KALRN: variants seen among roughly 807,000 people sequenced by gnomAD.
KALRN encodes kalirin RhoGEF kinase.
A neutral mutation model predicts 353.7 loss-of-function variants in KALRN; 70 were observed. The observed-to-expected ratio is 0.20, with a 90% confidence interval of 0.16 to 0.24. KALRN has a LOEUF of 0.24. KALRN is among the 10% of genes least tolerant of loss of function. The probability of loss-of-function intolerance (pLI) is 1.00; values close to 1 mark genes in which losing one functional copy is unlikely to be tolerated. For missense variants in KALRN, 2,791 were observed against 3,756.7 expected, an observed-to-expected ratio of 0.74 and a Z score of 6.72; for synonymous variants, 1,391 against 1,434.8, an observed-to-expected ratio of 0.97 and a Z score of 0.69.
At position 124,673,734 on chromosome 3, in the gene KALRN, A is replaced by C. The variant is rs368952811; in HGVS notation, c.6943-630A>C. On this transcript the variant is annotated intron_variant, in intron 48 of 59. Coordinates refer to ENST00000682506, the MANE Select transcript of KALRN (RefSeq NM_001388419.1). ...GTCTGTCTAGAGGCAGCTGCCCTGAAATAGACTCACATGAAAAGGTCATGG... is the reference window on the plus strand; with the variant it reads ...GTCTGTCTAGAGGCAGCTGCCCTGACATAGACTCACATGAAAAGGTCATGG... Among the ~76,000 whole-genome samples, 62 of 152,226 alleles carry C rather than the reference A, an allele frequency of 4.1e-4. 2 individuals carry two copies. The East Asian group carries it at 6.2e-3, about 15-fold the overall frequency.
chr3:124,248,351 C>T (rs893112989), intron 3 of KALRN, among the ~76,000 whole-genome samples: 2 of 152,204 alleles, frequency 1.3e-5, no homozygotes, highest in African/African-American at 4.8e-5. Flanking sequence ...GTTCTCTTTC[C>T]TCTGTCCGGG....
At chr3:124,169,196 AT>A (rs1375883895) in intron 1 of KALRN, among the ~76,000 whole-genome samples, 8 of 152,134 alleles carry the variant, frequency 5.3e-5, no homozygotes, top group African/African-American at 1.9e-4. Flanking sequence ...CACATAAATG[AT>A]TTCCTTTCCC....
intron 3 of KALRN, among the ~76,000 whole-genome samples, chr3:124,253,371 TTC>T (rs2071447106): frequency 6.6e-6 from 1 of 152,220 alleles, no homozygotes; most frequent in South Asian, 2.1e-4. Context: ...TGCAGCACAG[TTC>T]TGGGAGAAAG....
At chr3:124,109,382 T>A (rs2062621565) in intron 1 of KALRN, among the ~76,000 whole-genome samples, 1 of 152,152 alleles carries the variant, frequency 6.6e-6, no homozygotes, top group Admixed American at 6.5e-5. Flanking sequence ...TTAAATGTGT[T>A]CACTAACTTC....
At chr3:124,632,382 C>G (rs3816201) in intron 34 of KALRN, 38 bp from the exon 35 acceptor site, 89,652 of 1,602,474 alleles carry the variant, frequency 0.056, 3,333 homozygotes, top group East Asian at 0.21. Flanking sequence ...CCTGCCTTCA[C>G]CACCTCTGAC....
chr3:124,152,319 A>G lies in KALRN; in HGVS notation c.74-75671A>G, dbSNP rs1278376662. Reference sequence around the variant, plus strand: ...TCAGCATATTAATTGAAGTCTTGTTAAGCTTCACAAAGGTTCCATTGAAGA... The same window carrying G: ...TCAGCATATTAATTGAAGTCTTGTTGAGCTTCACAAAGGTTCCATTGAAGA... On this transcript the variant is annotated intron_variant, in intron 1 of 59. Transcript: ENST00000682506. The G allele has an allele frequency of 1.5e-5, 18 of 1,207,210 alleles. No homozygotes were observed. The Middle Eastern group carries it at 5.8e-4, about 39-fold the overall frequency. 74.8% of individuals were successfully genotyped at this position (1,207,210 alleles called of 1,614,324 possible).
rs2079929111 is a variant in KALRN, at chr3:124,626,180, AC to A, written c.5183-6239del. ...TAAATGAAGTTGCAAAGTAATACCT[AC>A]ATTATGATAATTATATAAACTATAA... is the stretch of plus-strand genomic sequence containing the variant. On this transcript the variant is annotated intron_variant, in intron 34 of 59. Coordinates refer to ENST00000682506, the MANE Select transcript of KALRN (RefSeq NM_001388419.1). Among the ~76,000 whole-genome samples, 3 of 152,352 alleles carry A rather than the reference AC, an allele frequency of 2.0e-5. No individual in the cohort carries two copies. In the South Asian group the frequency reaches 6.2e-4, roughly 32 times the overall value.
chr3:124,139,493 C>G (rs567935561), intron 1 of KALRN, among the ~76,000 whole-genome samples: 1 of 152,210 alleles, frequency 6.6e-6, no homozygotes, highest in Non-Finnish European at 1.5e-5. Context: ...AGTATAGACT[C>G]TTCTAAACCA....
chr3:124,157,347 A>G (rs1190866476), intron 1 of KALRN, among the ~76,000 whole-genome samples: 2 of 152,090 alleles, frequency 1.3e-5, no homozygotes, highest in Non-Finnish European at 2.9e-5. Flanking sequence ...CTCACTTCCA[A>G]TTTCACTTCC....
intron 33 of KALRN, among the ~76,000 whole-genome samples, chr3:124,540,509 C>A (rs186100477): frequency 2.0e-5 from 3 of 152,268 alleles, no homozygotes; most frequent in Middle Eastern, 3.4e-3. Context: ...GGGTGGGTAG[C>A]CATGCACAGG....
At chr3:124,287,985 T>C (rs909343791) in intron 5 of KALRN, among the ~76,000 whole-genome samples, 2 of 151,690 alleles carry the variant, frequency 1.3e-5, no homozygotes. Context: ...GTGATTCTCC[T>C]GCCTTAGCCT....
At chr3:124,634,015 T>C in intron 36 of KALRN, 62 bp downstream of exon 36, 1 of 1,278,280 alleles carries the variant, frequency 7.8e-7, no homozygotes, top group Non-Finnish European at 1.1e-6. Flanking sequence ...TTGTTTTTTG[T>C]GTGTGATGGG....
intron 1 of KALRN, among the ~76,000 whole-genome samples, chr3:124,124,607 GGAA>G (rs2064413565): frequency 6.6e-6 from 1 of 152,168 alleles, no homozygotes; most frequent in Admixed American, 6.5e-5. Context: ...TTTAATGAAA[GGAA>G]GAGTCAATCA....
At chr3:124,047,199 G>A (rs1003923990) in intron 1 of KALRN, among the ~76,000 whole-genome samples, 3 of 152,000 alleles carry the variant, frequency 2.0e-5, no homozygotes, top group Non-Finnish European at 4.4e-5. Flanking sequence ...ACATGCAAAT[G>A]GATCAACTAA....
At chr3:124,155,723 A>G (rs2068884725) in intron 1 of KALRN, among the ~76,000 whole-genome samples, 1 of 152,246 alleles carries the variant, frequency 6.6e-6, no homozygotes, top group African/African-American at 2.4e-5. Flanking sequence ...ACAAGATTCA[A>G]CTGAAAATGA....
intron 13 of KALRN, among the ~76,000 whole-genome samples, chr3:124,403,265 T>A (rs658721): frequency 0.89 from 136,065 of 152,214 alleles, 61,907 homozygotes; most frequent in Non-Finnish European, 0.99. Context: ...CTTGATAAAA[T>A]ATATGTGCAC....
intron 57 of KALRN, among the ~76,000 whole-genome samples, chr3:124,708,729 C>T (rs1236195873): frequency 6.6e-6 from 1 of 151,940 alleles, no homozygotes; most frequent in African/African-American, 2.4e-5. Context: ...GAAATAACAA[C>T]TGGAAATGTC....
chr3:124,220,218 C>T (rs1023000445), intron 1 of KALRN, among the ~76,000 whole-genome samples: 2 of 152,140 alleles, frequency 1.3e-5, no homozygotes, highest in African/African-American at 4.8e-5. Context: ...GCTGGTATTA[C>T]AGGTGTGAGC....
intron 19 of KALRN, among the ~76,000 whole-genome samples, chr3:124,445,191 A>G (rs144245784): frequency 6.6e-6 from 1 of 152,288 alleles, no homozygotes; most frequent in African/African-American, 2.4e-5. Context: ...TCTCATCTGT[A>G]TAATGGAGAT....
Sources: gnomAD v4.1 joint callset for allele counts (sites outside exome capture counted in the v4.1 genomes callset) on GRCh38, gnomAD v4.1.1 for gene constraint, MANE v1.5 for transcripts, NCBI Gene and HGNC (gene_info 2026-07-23, HGNC 2026-07-21) for gene names.